The following COL23A1 variants were observed in gnomAD, a reference collection of about 807,000 sequenced individuals.
The protein encoded by COL23A1 is collagen type XXIII alpha 1 chain.
COL23A1 carries 97 observed loss-of-function variants against 99.3 expected under a neutral mutation model. The ratio of observed to expected loss-of-function variants is 0.98; its 90% CI spans 0.83 to 1.16. The LOEUF (loss-of-function observed/expected upper bound fraction) is 1.16. Among genes scored for constraint, COL23A1 ranks in the 50% most tolerant of loss-of-function variants. The pLI is 0.00. For synonymous variants in COL23A1, 320 were observed against 308.2 expected, an observed-to-expected ratio of 1.04 and a Z score of -0.40; for missense variants, 762 against 757.4, an observed-to-expected ratio of 1.01 and a Z score of -0.07.
intron 2 of COL23A1, among the ~76,000 whole-genome samples, chr5:178,553,489 G>A (rs1762115308): frequency 6.6e-6 from 1 of 152,192 alleles, no homozygotes; most frequent in South Asian, 2.1e-4. Context: ...GACATTGCAA[G>A]TACAGTGCCC....
chr5:178,261,733 G>A lies in COL23A1; in HGVS notation c.691C>T (p.Pro231Ser), dbSNP rs769641619. The A allele has an allele frequency of 2.5e-6, 4 of 1,610,030 alleles. No homozygotes were observed. The Admixed American group carries it at 5.0e-5, about 20-fold the overall frequency. Residue 231 changes from proline to serine, a missense_variant, in exon 11 of 29, where the codon CCA becomes TCA. Pro to Ser is a moderately conservative substitution (Grantham distance 74). Coordinates refer to ENST00000390654, the MANE Select transcript of COL23A1 (RefSeq NM_173465.4). ...TAAGGAGTACTCACCTTGGGCCCTG[G>A]GGGTCCCTTTGGGCCCTGGAACAAG... ...QDGEMGPKGP[P>S]GPKGEPGVPG...
chr5:178,275,065 G>A (rs1406218366), intron 5 of COL23A1, among the ~76,000 whole-genome samples: 1 of 152,092 alleles, frequency 6.6e-6, no homozygotes, highest in African/African-American at 2.4e-5. Context: ...CTGGGACCCC[G>A]GATGGGCAGC....
intron 2 of COL23A1, among the ~76,000 whole-genome samples, chr5:178,505,682 G>A (rs1255735563): frequency 6.6e-6 from 1 of 152,124 alleles, no homozygotes; most frequent in African/African-American, 2.4e-5. Context: ...CAGAAGTTAG[G>A]ACTTCAGCAT....
At chr5:178,531,895 C>T (rs1223845957) in intron 2 of COL23A1, among the ~76,000 whole-genome samples, 1 of 152,212 alleles carries the variant, frequency 6.6e-6, no homozygotes, top group African/African-American at 2.4e-5. Flanking sequence ...TGGTTCTCCT[C>T]TCAGTCCTGG....
At chr5:178,537,952 G>C (rs1761072248) in intron 2 of COL23A1, among the ~76,000 whole-genome samples, 1 of 152,202 alleles carries the variant, frequency 6.6e-6, no homozygotes, top group Non-Finnish European at 1.5e-5. Flanking sequence ...CTCACCCCAG[G>C]TACCTCCTAT....
chr5:178,554,852 TA>T (rs1762185082), intron 2 of COL23A1, among the ~76,000 whole-genome samples: 1 of 151,778 alleles, frequency 6.6e-6, no homozygotes, highest in Non-Finnish European at 1.5e-5. Flanking sequence ...AAAATCATGG[TA>T]AAATACATAT....
chr5:178,494,828 A>AGGCTTTGGAAGACCCCTGACATCGAGGTG (rs1758113733), intron 2 of COL23A1, among the ~76,000 whole-genome samples: 1 of 152,156 alleles, frequency 6.6e-6, no homozygotes, highest in African/African-American at 2.4e-5. Context: ...CTCCTGAGCC[A>AGGCTTTGGAAGACCCCTGACATCGAGGTG]GGCTTTGGAA....
intron 2 of COL23A1, among the ~76,000 whole-genome samples, chr5:178,364,667 T>C (rs969889461): frequency 4.6e-5 from 7 of 152,254 alleles, no homozygotes; most frequent in African/African-American, 1.7e-4. Flanking sequence ...GCCCAGCAGT[T>C]GCACCTTTGA....
chr5:178,579,776 C>G (rs897162586), intron 1 of COL23A1, among the ~76,000 whole-genome samples: 6 of 152,136 alleles, frequency 3.9e-5, no homozygotes, highest in African/African-American at 1.4e-4. Context: ...CCCTGCCACT[C>G]CACGCATCCA....
chr5:178,552,959 T>A (rs940277420), intron 2 of COL23A1, among the ~76,000 whole-genome samples: 1 of 151,870 alleles, frequency 6.6e-6, no homozygotes, highest in African/African-American at 2.4e-5. Flanking sequence ...CCCCCCGCCT[T>A]GGCCTCCCAA....
chr5:178,502,317 G>C (rs1319724686), intron 2 of COL23A1, among the ~76,000 whole-genome samples: 1 of 152,030 alleles, frequency 6.6e-6, no homozygotes, highest in Non-Finnish European at 1.5e-5. Flanking sequence ...ATTTTTAGTA[G>C]AGACGGGGTT....
chr5:178,361,714 G>A (rs1312023567), intron 2 of COL23A1, among the ~76,000 whole-genome samples: 1 of 152,034 alleles, frequency 6.6e-6, no homozygotes, highest in Non-Finnish European at 1.5e-5. Context: ...TGGGATCACC[G>A]ACTCCATGCT....
At chr5:178,386,031 C>A (rs925718503) in intron 2 of COL23A1, among the ~76,000 whole-genome samples, 1 of 152,152 alleles carries the variant, frequency 6.6e-6, no homozygotes, top group Non-Finnish European at 1.5e-5. Context: ...AGATCCACAG[C>A]AGCATTAATA....
intron 2 of COL23A1, among the ~76,000 whole-genome samples, chr5:178,329,545 C>G (rs73804796): frequency 0.026 from 3,928 of 152,130 alleles, 53 homozygotes; most frequent in South Asian, 0.052. Context: ...AGTCCAAAAA[C>G]GCCCCGCACC....
At position 178,281,587 on chromosome 5, in the gene COL23A1, T is replaced by A. The variant is rs1234123314; in HGVS notation, c.441+6737A>T. ...GTTTTGGGTGTGCTCAGAGCTGACC[T>A]GTGACGCCTGCCAGCCCTCGTTTCT... On this transcript the variant is annotated intron_variant, in intron 5 of 28. Transcript: ENST00000390654. This position sits in a 1 kb window ranked among gnomAD's most constrained non-coding sequence, Gnocchi z 4.0. Among the ~76,000 whole-genome samples the A allele has an allele frequency of 6.6e-6, 1 of 152,190 alleles. No individual in the cohort carries two copies.
chr5:178,363,054 C>T (rs1205448962), intron 2 of COL23A1, among the ~76,000 whole-genome samples: 2 of 147,426 alleles, frequency 1.4e-5, no homozygotes, highest in African/African-American at 5.0e-5. Context: ...CCCACTCCCA[C>T]AGCAACCCCA....
chr5:178,312,818 T>G (rs2127614621), intron 2 of COL23A1, among the ~76,000 whole-genome samples: 1 of 152,290 alleles, frequency 6.6e-6, no homozygotes, highest in Non-Finnish European at 1.5e-5. Flanking sequence ...GTTCATGGAA[T>G]CCACACAACA....
chr5:178,354,574 G>A (rs984439575), intron 2 of COL23A1, among the ~76,000 whole-genome samples: 2 of 151,978 alleles, frequency 1.3e-5, no homozygotes, highest in African/African-American at 4.8e-5. Context: ...CTGAGTTCTC[G>A]TGCGATCTGG....
chr5:178,409,469 A>C (rs1212423849), intron 2 of COL23A1, among the ~76,000 whole-genome samples: 1 of 150,188 alleles, frequency 6.7e-6, no homozygotes, highest in East Asian at 2.0e-4. Context: ...CTGTATAGTG[A>C]CTGTGGTGGT....
Sources: gnomAD v4.1 joint callset for allele counts (sites outside exome capture counted in the v4.1 genomes callset) on GRCh38, gnomAD v4.1.1 for gene constraint, Gnocchi (gnomAD v3.1) non-coding constraint, MANE v1.5 for transcripts, NCBI Gene and HGNC (gene_info 2026-07-23, HGNC 2026-07-21) for gene names.